The following LZTS1 variants were observed in gnomAD, a reference collection of about 807,000 sequenced individuals.
LZTS1 encodes leucine zipper putative tumor suppressor 1.
A neutral mutation model predicts 45.8 loss-of-function variants in LZTS1; 31 were observed. That is an observed-to-expected ratio of 0.68 (90% CI 0.51 to 0.91). LZTS1 has a LOEUF of 0.91. Among genes scored for constraint, LZTS1 ranks in the 40% least tolerant of loss-of-function variants. LZTS1 has a pLI of 0.00. For missense variants in LZTS1, 821 were observed against 788.9 expected, an observed-to-expected ratio of 1.04 and a Z score of -0.49; for synonymous variants, 359 against 357.3, an observed-to-expected ratio of 1.00 and a Z score of -0.05.
At chr8:20,267,712 T>C (rs1317688828) in intron 1 of LZTS1, among the ~76,000 whole-genome samples, 2 of 152,144 alleles carry the variant, frequency 1.3e-5, no homozygotes, top group Non-Finnish European at 2.9e-5. Context: ...GAGACGGGTT[T>C]CACCATGTTG....
chr8:20,284,284 C>A (rs1259882565), intron 1 of LZTS1, among the ~76,000 whole-genome samples: 1 of 152,188 alleles, frequency 6.6e-6, no homozygotes, highest in Non-Finnish European at 1.5e-5. Flanking sequence ...AAGCACCGGC[C>A]ATGCCAGGGC....
At position 20,262,869 on chromosome 8, in the gene LZTS1, G is replaced by A. The variant is rs531223909; in HGVS notation, c.-134-7554C>T. On this transcript the variant is annotated intron_variant, in intron 1 of 3. Coordinates refer to ENST00000381569, the MANE Select transcript of LZTS1 (RefSeq NM_021020.5). Reference sequence around the variant, plus strand: ...AAACTTGGTTTGGGGGGAAGAGGAGGAAAATATGAGTTTAAAACCCCAGTT... The same window carrying A: ...AAACTTGGTTTGGGGGGAAGAGGAGAAAAATATGAGTTTAAAACCCCAGTT... Among the ~76,000 whole-genome samples the A allele has an allele frequency of 3.3e-5, 5 of 152,242 alleles. No homozygotes were observed. The South Asian group carries it at 1.0e-3, about 32-fold the overall frequency.
intron 1 of LZTS1, among the ~76,000 whole-genome samples, chr8:20,280,357 C>T (rs576235220): frequency 4.6e-5 from 7 of 152,282 alleles, no homozygotes; most frequent in South Asian, 4.1e-4. Flanking sequence ...GGATGTGGCT[C>T]GTGTTCCTGC....
intron 1 of LZTS1, among the ~76,000 whole-genome samples, chr8:20,261,189 G>A (rs1800220902): frequency 6.6e-6 from 1 of 152,208 alleles, no homozygotes; most frequent in South Asian, 2.1e-4. Context: ...GAGGAGGGAA[G>A]AAGGATGGAG....
rs146878421 is a variant in LZTS1 at position 20,249,838 on chromosome 8, G to A, written c.1675C>T (p.Arg559Cys). The A allele has an allele frequency of 2.0e-5, 32 of 1,614,070 alleles. No individual in the cohort carries two copies. Among genetic ancestry groups the A allele is most frequent in the Middle Eastern group, 1.6e-4 (1 of 6,084 alleles). Residue 559 changes from arginine to cysteine, a missense_variant, in exon 4 of 4, where the codon CGC becomes TGC. Physicochemically the swap from Arg to Cys is radical, Grantham distance 180. Coordinates refer to ENST00000381569, the MANE Select transcript of LZTS1 (RefSeq NM_021020.5). ...AGCTGCTGCAGGGCCTTCTCCAGGC[G>A]CTGGTTCCGCTGGTACATGGCCACG... Reference protein sequence around the residue: ...SYVAMYQRNQRLEKALQQLAR... With the variant: ...SYVAMYQRNQCLEKALQQLAR...
intron 1 of LZTS1, among the ~76,000 whole-genome samples, chr8:20,262,136 C>T (rs948751437): frequency 6.6e-6 from 1 of 152,264 alleles, no homozygotes; most frequent in Non-Finnish European, 1.5e-5. Flanking sequence ...TGCAGGCCCA[C>T]AACGATGCAA....
intron 1 of LZTS1, among the ~76,000 whole-genome samples, chr8:20,279,168 G>A (rs1234027282): frequency 2.6e-5 from 4 of 152,180 alleles, no homozygotes; most frequent in African/African-American, 9.7e-5. Context: ...TGTTTTCTTT[G>A]CTGCCTTGTC....
chr8:20,287,897 CAAAA>C lies in LZTS1; in HGVS notation c.-135+15839_-135+15842del, dbSNP rs34653802. ...GCTAATCACGCCAAAGCACTCCAGC[CAAAA>C]AAAAAAAAAAAAAAAAAAAAGGTTC... On this transcript the variant is annotated intron_variant, in intron 1 of 3. Coordinates refer to ENST00000381569, the MANE Select transcript of LZTS1 (RefSeq NM_021020.5). Among the ~76,000 whole-genome samples the C allele has an allele frequency of 7.2e-3, 392 of 54,098 alleles. 2 individuals are homozygous for C. The highest frequency in any genetic ancestry group is 0.029 in the African/African-American group (381 of 13,366). The allele number at this position is 54,098 out of a possible 152,430, so 35.5% of individuals were successfully genotyped here.
chr8:20,263,273 GAGCCTC>G (rs1251002579), intron 1 of LZTS1, among the ~76,000 whole-genome samples: 98 of 152,144 alleles, frequency 6.4e-4, no homozygotes, highest in African/African-American at 2.3e-3. Flanking sequence ...CACTGGTGCA[GAGCCTC>G]GAGGCCCCTC....
intron 1 of LZTS1, among the ~76,000 whole-genome samples, chr8:20,291,231 G>A (rs759492611): frequency 2.0e-4 from 30 of 152,242 alleles, no homozygotes; most frequent in Admixed American, 1.8e-3. Context: ...CAGTTAAACC[G>A]TCTCCCTTTG....
intron 1 of LZTS1, among the ~76,000 whole-genome samples, chr8:20,257,179 G>A (rs144211087): frequency 0.01 from 1,537 of 152,102 alleles, 22 homozygotes; most frequent in African/African-American, 0.035. Flanking sequence ...GTGGAACCCC[G>A]TCTCTACTAA....
Position 20,303,883 on chromosome 8 carries a change from T to G in LZTS1, c.-278A>C. On this transcript the variant is annotated 5_prime_UTR_variant, in exon 1 of 4. Transcript: ENST00000381569. The stretch of plus-strand genomic sequence containing the variant: ...GATGCAGCTCCCGGCTCCCACTCAC[T>G]GGCCGAGGCGGGCAGAGAAACTTTC... 1.0e-6 allele frequency: 1 copy of G among 984,296 alleles called. No homozygotes were observed. Among genetic ancestry groups the G allele is most frequent in the African/African-American group, 1.7e-5 (1 of 57,208 alleles). 61.0% of individuals were successfully genotyped at this position (984,296 alleles called of 1,614,324 possible). A position where few individuals can be genotyped will look rare whatever the true frequency, so the allele number is the denominator to read the frequency against.
intron 1 of LZTS1, chr8:20,289,766 T>C (rs541877921): frequency 9.8e-5 from 15 of 152,374 alleles, no homozygotes; most frequent in African/African-American, 3.6e-4. Flanking sequence ...CTGAGGCTAA[T>C]TCCAGGCTGC....
rs370350789 is a variant in LZTS1, at chr8:20,284,912, C to T, written c.-135+18828G>A. ...CATCCGATAGTCTTAGAAAACCCCT[C>T]CACTAAGTGGTGAAATGAAAAGGCT... On this transcript the variant is annotated intron_variant, in intron 1 of 3. Transcript: ENST00000381569. 7.9e-5 allele frequency among the ~76,000 whole-genome samples: 12 copies of T among 152,294 alleles called. No individual in the cohort carries two copies. The East Asian group carries it at 2.1e-3, about 27-fold the overall frequency.
At chr8:20,296,714 T>C (rs2014643) in intron 1 of LZTS1, among the ~76,000 whole-genome samples, 100,442 of 152,074 alleles carry the variant, frequency 0.66, 33,363 homozygotes, top group Non-Finnish European at 0.68. Flanking sequence ...TATGTGTGTA[T>C]GTGTGCGTGT....
chr8:20,267,103 A>C (rs1395513102), intron 1 of LZTS1, among the ~76,000 whole-genome samples: 1 of 129,638 alleles, frequency 7.7e-6, no homozygotes, highest in East Asian at 2.4e-4. Context: ...GTGAGACTCC[A>C]TCTCAAAAAA....
At chr8:20,259,072 G>A (rs916471027) in intron 1 of LZTS1, among the ~76,000 whole-genome samples, 2 of 152,068 alleles carry the variant, frequency 1.3e-5, no homozygotes, top group African/African-American at 4.8e-5. Flanking sequence ...AGACCCTCCC[G>A]TGCTCTGCGC....
chr8:20,250,452 C>T (rs1799865595), intron 3 of LZTS1, 89 bp from the exon 4 acceptor site: 1 of 1,341,368 alleles, frequency 7.5e-7, no homozygotes. Flanking sequence ...ATAACCAAGC[C>T]ACTCCGGATG....
chr8:20,281,816 A>G (rs1395605580), intron 1 of LZTS1, among the ~76,000 whole-genome samples: 1 of 152,228 alleles, frequency 6.6e-6, no homozygotes, highest in Non-Finnish European at 1.5e-5. Context: ...ACTGTGAGCC[A>G]AATAAACCTC....
Sources: allele counts gnomAD v4.1 joint callset (sites outside exome capture counted in the v4.1 genomes callset), GRCh38; gene constraint gnomAD v4.1.1; transcripts MANE v1.5; gene names NCBI Gene and HGNC (gene_info 2026-07-23, HGNC 2026-07-21).